The following INPP4B variants were observed in gnomAD, a reference collection of about 807,000 sequenced individuals.
INPP4B encodes the protein inositol polyphosphate-4-phosphatase type II B, also known as inositol polyphosphate 4-phosphatase type II.
In INPP4B, 55 loss-of-function variants were observed where a neutral mutation model predicts 122.5. The observed-to-expected ratio is 0.45, with a 90% confidence interval of 0.36 to 0.56. The LOEUF is 0.56. INPP4B is among the 20% of genes least tolerant of loss of function. INPP4B has a pLI of 0.00. For synonymous variants in INPP4B, 403 were observed against 388.7 expected, an observed-to-expected ratio of 1.04 and a Z score of -0.43; for missense variants, 1,000 against 1,097.7, an observed-to-expected ratio of 0.91 and a Z score of 1.26.
intron 9 of INPP4B, among the ~76,000 whole-genome samples, chr4:142,302,630 C>CT (rs1761908778): frequency 6.6e-6 from 1 of 152,170 alleles, no homozygotes; most frequent in East Asian, 1.9e-4. Context: ...GAGCACAAAG[C>CT]ACATGGTTGG....
chr4:142,709,903 A>T, intron 2 of INPP4B, among the ~76,000 whole-genome samples: 1 of 152,206 alleles, frequency 6.6e-6, no homozygotes. Flanking sequence ...TTGCATTAGC[A>T]TAGATTTACA....
intron 2 of INPP4B, among the ~76,000 whole-genome samples, chr4:142,640,042 G>T (rs1750041406): frequency 6.6e-6 from 1 of 151,968 alleles, no homozygotes; most frequent in Non-Finnish European, 1.5e-5. Flanking sequence ...ATAGTGAAAA[G>T]GTGAAAAACC....
intron 2 of INPP4B, among the ~76,000 whole-genome samples, chr4:142,624,050 G>C (rs549491348): frequency 1.4e-4 from 22 of 151,902 alleles, no homozygotes; most frequent in African/African-American, 5.3e-4. Context: ...TGTCTTTAAA[G>C]CAGCATGATT....
intron 7 of INPP4B, among the ~76,000 whole-genome samples, chr4:142,375,742 T>C (rs1791606995): frequency 6.6e-6 from 1 of 151,982 alleles, no homozygotes; most frequent in African/African-American, 2.4e-5. Flanking sequence ...ATCTTGCAAC[T>C]ATGCAGTGAG....
chr4:142,257,195 G>A (rs980619484), intron 11 of INPP4B, among the ~76,000 whole-genome samples: 1 of 152,080 alleles, frequency 6.6e-6, no homozygotes, highest in African/African-American at 2.4e-5. Flanking sequence ...AGGTATTGAC[G>A]GGACGTATCT....
intron 7 of INPP4B, among the ~76,000 whole-genome samples, chr4:142,399,175 T>C (rs72724561): frequency 0.012 from 1,724 of 144,326 alleles, 18 homozygotes; most frequent in Non-Finnish European, 0.02. Flanking sequence ...TTTTCCTTTC[T>C]AAATTTCCTT....
At chr4:142,149,657 T>G (rs553900793) in intron 17 of INPP4B, among the ~76,000 whole-genome samples, 2 of 152,306 alleles carry the variant, frequency 1.3e-5, no homozygotes, top group East Asian at 3.9e-4. Context: ...GACTTAAATA[T>G]GAGTCCAATG....
intron 2 of INPP4B, among the ~76,000 whole-genome samples, chr4:142,594,523 T>C (rs988360152): frequency 6.6e-6 from 1 of 152,114 alleles, no homozygotes; most frequent in Non-Finnish European, 1.5e-5. Context: ...CCAAATTACA[T>C]GGTTAGTAAG....
At chr4:142,160,626 G>T in intron 16 of INPP4B, 65 bp from the exon 17 acceptor site, 2 of 1,224,232 alleles carry the variant, frequency 1.6e-6, no homozygotes, top group Non-Finnish European at 2.3e-6. Context: ...GCTGTGAAAA[G>T]GTCAATTGCA....
intron 7 of INPP4B, among the ~76,000 whole-genome samples, chr4:142,399,624 T>A (rs948693027): frequency 6.6e-6 from 1 of 152,176 alleles, no homozygotes; most frequent in Non-Finnish European, 1.5e-5. Context: ...CCAGCAGTTT[T>A]AAAATAAAGC....
At chr4:142,411,198 T>C (rs1051011498) in intron 5 of INPP4B, among the ~76,000 whole-genome samples, 1 of 152,206 alleles carries the variant, frequency 6.6e-6, no homozygotes, top group Non-Finnish European at 1.5e-5. Flanking sequence ...ATGTGCTACA[T>C]GTAAATGGTC....
chr4:142,090,877 A>C lies in INPP4B; in HGVS notation c.2375-4621T>G, dbSNP rs576293933. ...GTAATATAAGTAAAAAGGATACACAAATGCCATATGTGTCAACATGGATAT... is the reference window on the plus strand; with the variant it reads ...GTAATATAAGTAAAAAGGATACACACATGCCATATGTGTCAACATGGATAT... On this transcript the variant is annotated intron_variant, in intron 23 of 25. Coordinates refer to ENST00000262992, the MANE Select transcript of INPP4B (RefSeq NM_001101669.3). Among the ~76,000 whole-genome samples, 7 of 152,344 alleles carry C rather than the reference A, an allele frequency of 4.6e-5. No homozygotes were observed. In the South Asian group the frequency reaches 1.2e-3, roughly 27 times the overall value.
intron 2 of INPP4B, among the ~76,000 whole-genome samples, chr4:142,715,268 G>A (rs2150812843): frequency 6.6e-6 from 1 of 152,306 alleles, no homozygotes; most frequent in Non-Finnish European, 1.5e-5. Flanking sequence ...GCTCTATAAT[G>A]TTGCAATGTC....
intron 11 of INPP4B, among the ~76,000 whole-genome samples, chr4:142,255,055 T>C (rs1199905529): frequency 6.6e-6 from 1 of 151,996 alleles, no homozygotes; most frequent in Non-Finnish European, 1.5e-5. Flanking sequence ...ATATTCAACA[T>C]TCTTAAAGAA....
intron 25 of INPP4B, among the ~76,000 whole-genome samples, chr4:142,071,729 G>GA (rs1216622563): frequency 2.6e-5 from 4 of 152,006 alleles, no homozygotes; most frequent in Non-Finnish European, 5.9e-5. Context: ...ACAGACACAT[G>GA]AAAAAAATGC....
chr4:142,230,297 GAAAC>G (rs2149829980), intron 12 of INPP4B, among the ~76,000 whole-genome samples: 1 of 152,178 alleles, frequency 6.6e-6, no homozygotes, highest in East Asian at 1.9e-4. Context: ...ATGGTCACAG[GAAAC>G]AAACCTCTCT....
At chr4:142,763,673 A>G (rs1196318480) in intron 1 of INPP4B, among the ~76,000 whole-genome samples, 1 of 152,202 alleles carries the variant, frequency 6.6e-6, no homozygotes, top group Non-Finnish European at 1.5e-5. Context: ...ATAAGGAAGT[A>G]GGAAACTAGT....
At chr4:142,433,125 AC>A (rs1744172542) in intron 3 of INPP4B, among the ~76,000 whole-genome samples, 1 of 152,208 alleles carries the variant, frequency 6.6e-6, no homozygotes, top group South Asian at 2.1e-4. Context: ...TTCACTGAGG[AC>A]AAACTGAAGA....
chr4:142,499,772 A>G (rs990382097), intron 2 of INPP4B, among the ~76,000 whole-genome samples: 1 of 152,100 alleles, frequency 6.6e-6, no homozygotes. Flanking sequence ...CTTCCCTTTA[A>G]CCAGTAGAAA....
Sources: gnomAD v4.1 joint callset for allele counts (sites outside exome capture counted in the v4.1 genomes callset) on GRCh38, gnomAD v4.1.1 for gene constraint, MANE v1.5 for transcripts, NCBI Gene and HGNC (gene_info 2026-07-23, HGNC 2026-07-21) for gene names.